The following ADGRL2 variants were observed in gnomAD, a reference collection of about 807,000 sequenced individuals.
The protein encoded by ADGRL2 is adhesion G protein-coupled receptor L2.
Under a neutral mutation model 157.4 loss-of-function variants are expected in ADGRL2, and 44 were observed. The observed-to-expected ratio is 0.28, with a 90% CI of 0.22 to 0.36. The LOEUF (loss-of-function observed/expected upper bound fraction) is 0.36. Among genes scored for constraint, ADGRL2 ranks in the 10% least tolerant of loss-of-function variants. ADGRL2 has a pLI of 1.00. For synonymous variants in ADGRL2, 585 were observed against 624.7 expected, an observed-to-expected ratio of 0.94 and a Z score of 0.95; for missense variants, 1,510 against 1,768.9, an observed-to-expected ratio of 0.85 and a Z score of 2.63.
At chr1:81,951,512 A>G (rs1651787695) in intron 8 of ADGRL2, among the ~76,000 whole-genome samples, 2 of 152,152 alleles carry the variant, frequency 1.3e-5, no homozygotes, top group African/African-American at 4.8e-5. Context: ...AAAAGGCATT[A>G]GTAACTTTAA....
upstream of ADGRL2, among the ~76,000 whole-genome samples, chr1:81,699,371 G>GTA (rs760349610): frequency 1.3e-3 from 197 of 152,180 alleles, no homozygotes; most frequent in Non-Finnish European, 1.9e-3. Flanking sequence ...CAGCAAATAG[G>GTA]TATTTGCCAG....
chr1:81,325,132 A>T (rs1008125337), intron 1 of ADGRL2, among the ~76,000 whole-genome samples: 2 of 152,222 alleles, frequency 1.3e-5, no homozygotes, highest in Non-Finnish European at 1.5e-5. Flanking sequence ...CCACTAGAAG[A>T]GACCAGAATT....
intron 1 of ADGRL2, among the ~76,000 whole-genome samples, chr1:81,385,463 A>G (rs532709357): frequency 2.0e-5 from 3 of 152,280 alleles, no homozygotes; most frequent in Admixed American, 2.0e-4. Flanking sequence ...CTGTCAAGTA[A>G]ATGAAATCAA....
At chr1:81,727,697 C>T (rs1379358702) in intron 1 of ADGRL2, among the ~76,000 whole-genome samples, 3 of 152,104 alleles carry the variant, frequency 2.0e-5, no homozygotes, top group African/African-American at 7.2e-5. Context: ...TTCCAAAGTA[C>T]TGGGATTGCA....
intron 2 of ADGRL2, among the ~76,000 whole-genome samples, chr1:81,857,812 T>G (rs2093254952): frequency 6.6e-6 from 1 of 152,178 alleles, no homozygotes; most frequent in Non-Finnish European, 1.5e-5. Context: ...ATCCATTTTT[T>G]GGCATTTTTG....
At position 81,610,096 on chromosome 1, in the gene ADGRL2, C is replaced by G. The variant is rs569797074; in HGVS notation, c.-143+29116C>G. 2.6e-5 allele frequency among the ~76,000 whole-genome samples: 4 copies of G among 152,236 alleles called. No homozygotes were observed. The South Asian group carries it at 8.3e-4, about 32-fold the overall frequency. On this transcript the variant is annotated intron_variant, in intron 3 of 24. Coordinates refer to the ADGRL2 transcript ENST00000370721. ...GGGGAGTGAATTCCTGATTAGAATG[C>G]TAGTTGCACCAGGGGTGCAATGTCA...
At chr1:81,924,711 A>G (rs2095065128) in intron 3 of ADGRL2, among the ~76,000 whole-genome samples, 1 of 152,006 alleles carries the variant, frequency 6.6e-6, no homozygotes, top group Non-Finnish European at 1.5e-5. Context: ...ATATGGGAGG[A>G]GAGATCAAGT....
chr1:81,322,362 C>T (rs1006336239), intron 1 of ADGRL2, among the ~76,000 whole-genome samples: 39 of 151,638 alleles, frequency 2.6e-4, no homozygotes, highest in Admixed American at 3.3e-4. Context: ...AAAAAGATAC[C>T]ATATACGATA....
chr1:81,617,141 G>T (rs187335848), intron 3 of ADGRL2, among the ~76,000 whole-genome samples: 1 of 152,362 alleles, frequency 6.6e-6, no homozygotes, highest in Non-Finnish European at 1.5e-5. Context: ...TTGCATGGCA[G>T]GAGGTGAACT....
chr1:81,850,332 C>A (rs2092956732), intron 2 of ADGRL2, among the ~76,000 whole-genome samples: 1 of 92,760 alleles, frequency 1.1e-5, no homozygotes, highest in African/African-American at 2.8e-5. Flanking sequence ...CCCCCTCCTC[C>A]TCTTTTACCC....
chr1:81,385,416 A>G (rs2076418185), intron 1 of ADGRL2, among the ~76,000 whole-genome samples: 1 of 152,116 alleles, frequency 6.6e-6, no homozygotes, highest in Non-Finnish European at 1.5e-5. Flanking sequence ...GAAATGTGAA[A>G]ATTTGTGAAA....
At chr1:81,503,438 G>C in intron 2 of ADGRL2, 1 of 1,613,348 alleles carries the variant, frequency 6.2e-7, no homozygotes, top group Non-Finnish European at 8.5e-7. Flanking sequence ...GGCACCCCCA[G>C]CGCAGAGCCC....
At chr1:81,903,127 C>T (rs654654) in intron 2 of ADGRL2, among the ~76,000 whole-genome samples, 83,883 of 151,872 alleles carry the variant, frequency 0.55, 23,912 homozygotes, top group Middle Eastern at 0.65. Flanking sequence ...AATTAAAACC[C>T]AGAGAAGTAA....
In ADGRL2 at chr1:81,382,374, C is replaced by T. The variant is rs541807049; in HGVS notation, c.-301-62662C>T. Among the ~76,000 whole-genome samples the T allele has an allele frequency of 3.3e-5, 5 of 152,224 alleles. No individual in the cohort carries two copies. In the South Asian group the frequency reaches 8.3e-4, roughly 25 times the overall value. On this transcript the variant is annotated intron_variant, in intron 1 of 24. Coordinates refer to the ADGRL2 transcript ENST00000370721. ...TTGCTATTTGAGTTTAAAATAATAACAATCTGAATGTCCATTAAGTAAGGA... is the reference window on the plus strand; with the variant it reads ...TTGCTATTTGAGTTTAAAATAATAATAATCTGAATGTCCATTAAGTAAGGA...
chr1:81,886,417 G>A (rs567522333), intron 2 of ADGRL2, among the ~76,000 whole-genome samples: 2 of 152,224 alleles, frequency 1.3e-5, no homozygotes, highest in South Asian at 2.1e-4. Context: ...TGATCTGCCC[G>A]TCTCGGCTTC....
chr1:81,513,780 C>G (rs1409668197), intron 2 of ADGRL2: 2 of 152,188 alleles, frequency 1.3e-5, no homozygotes, highest in African/African-American at 4.8e-5. Flanking sequence ...GGAAAAGACT[C>G]CTAACCTGGA....
chr1:81,621,727 C>T (rs7523717), intron 3 of ADGRL2, among the ~76,000 whole-genome samples: 59,330 of 152,020 alleles, frequency 0.39, 12,057 homozygotes, highest in African/African-American at 0.5. Context: ...TGCCTGGATT[C>T]TTCATCGGCA....
At chr1:81,981,410 C>G (rs1661633551) in intron 18 of ADGRL2, among the ~76,000 whole-genome samples, 1 of 151,856 alleles carries the variant, frequency 6.6e-6, no homozygotes, top group Non-Finnish European at 1.5e-5. Flanking sequence ...TTTAACCTTT[C>G]TGTATGTGTC....
intron 1 of ADGRL2, among the ~76,000 whole-genome samples, chr1:81,436,232 C>T (rs1045228843): frequency 9.2e-5 from 14 of 152,136 alleles, no homozygotes; most frequent in South Asian, 2.1e-4. Context: ...AGGGCAGACA[C>T]GGCTCGGTCC....
Sources: allele counts gnomAD v4.1 joint callset (sites outside exome capture counted in the v4.1 genomes callset), GRCh38; gene constraint gnomAD v4.1.1; transcripts MANE v1.5; gene names NCBI Gene and HGNC (gene_info 2026-07-23, HGNC 2026-07-21).